ARID1B: variants seen among roughly 807,000 people sequenced by gnomAD.
The protein encoded by ARID1B is AT-rich interaction domain 1B.
A neutral mutation model predicts 212.3 loss-of-function variants in ARID1B; 30 were observed. The observed-to-expected ratio is 0.14, with a 90% confidence interval of 0.11 to 0.19. The LOEUF (loss-of-function observed/expected upper bound fraction) is 0.19, where lower values mean the gene tolerates loss of function less well. Among genes scored for constraint, ARID1B ranks in the 10% least tolerant of loss-of-function variants. The pLI is 1.00. For missense variants in ARID1B, 2,891 were observed against 3,204.0 expected (o/e 0.90, Z 2.36); for synonymous variants, 1,402 against 1,301.7 (o/e 1.08, Z -1.66).
Position 156,955,339 on chromosome 6 carries a change from A to G in ARID1B, c.2247+19763A>G, listed in dbSNP as rs758170380. ...CCATTCAACCAGGTGTGATAAACCT[A>G]GAGCTACTGTATGTTCCAGGCCATA... On this transcript the variant is annotated intron_variant, in intron 4 of 19. Coordinates refer to ENST00000636930, the MANE Select transcript of ARID1B (RefSeq NM_001374828.1). The surrounding 1 kb of genome is among the most constrained non-coding windows in gnomAD (Gnocchi z 4.2). Among the ~76,000 whole-genome samples, 8 of 152,234 alleles carry G rather than the reference A, an allele frequency of 5.3e-5. No individual in the cohort carries two copies. Among genetic ancestry groups the G allele is most frequent in the African/African-American group, 1.9e-4 (8 of 41,464 alleles).
At chr6:156,821,354 C>A (rs546041192) in intron 1 of ARID1B, among the ~76,000 whole-genome samples, 12 of 152,092 alleles carry the variant, frequency 7.9e-5, no homozygotes, top group Non-Finnish European at 1.6e-4. Context: ...CCACTCCCCC[C>A]ACAATACCTT....
rs1794648781 is a variant in ARID1B, at chr6:157,208,932, T to A, written c.*1041T>A. 4.3e-6 allele frequency: 1 copy of A among 230,220 alleles called. No individual in the cohort carries two copies. The highest frequency in any genetic ancestry group is 8.6e-6 in the Non-Finnish European group (1 of 116,400). 14.3% of individuals were successfully genotyped at this position (230,220 alleles called of 1,614,324 possible). ...CTGTATGTATAAAGTCATGCTCGAT[T>A]TCAGGAGAGCAGCTGATCACAATTT... On this transcript the variant is annotated 3_prime_UTR_variant, in exon 20 of 20. Transcript: ENST00000636930.
intron 1 of ARID1B, among the ~76,000 whole-genome samples, chr6:156,781,640 G>A (rs1779274544): frequency 6.6e-6 from 1 of 152,060 alleles, no homozygotes; most frequent in African/African-American, 2.4e-5. Context: ...AGTTATTGGA[G>A]TTTTGCTTTT....
chr6:157,130,414 G>A (rs1788469017), intron 6 of ARID1B, among the ~76,000 whole-genome samples: 1 of 152,120 alleles, frequency 6.6e-6, no homozygotes, highest in South Asian at 2.1e-4. Context: ...TTATAGTAAA[G>A]CTTAGATAAA....
At position 157,145,455 on chromosome 6, in the gene ARID1B, C is replaced by T. The variant is rs1161728368; in HGVS notation, c.2762-3169C>T. On this transcript the variant is annotated intron_variant, in intron 7 of 19. Coordinates refer to ENST00000636930, the MANE Select transcript of ARID1B (RefSeq NM_001374828.1). ...AAAAGCGTGCCTGCCCACATCTGCA[C>T]GGACAGTGGCCCGTGCGTCGCCTGT... 2.0e-5 allele frequency among the ~76,000 whole-genome samples: 3 copies of T among 152,218 alleles called. No individual in the cohort carries two copies. The East Asian group carries it at 5.8e-4, about 29-fold the overall frequency.
At position 156,904,501 on chromosome 6, in the gene ARID1B, G is replaced by T. The variant is rs528968734; in HGVS notation, c.2136+2976G>T. ...AATATCTGCAGGATGAATTCTGGAA[G>T]CCACAGTGCTGGGCAAAGGGTGTGT... On this transcript the variant is annotated intron_variant, in intron 3 of 19. Coordinates refer to ENST00000636930, the MANE Select transcript of ARID1B (RefSeq NM_001374828.1). Among the ~76,000 whole-genome samples, 7 of 152,346 alleles carry T rather than the reference G, an allele frequency of 4.6e-5. No individual in the cohort carries two copies. The South Asian group carries it at 1.4e-3, about 32-fold the overall frequency.
rs1794597211 is a variant in ARID1B, at chr6:157,208,074, A to G, written c.*183A>G. On this transcript the variant is annotated 3_prime_UTR_variant, in exon 20 of 20. Coordinates refer to ENST00000636930, the MANE Select transcript of ARID1B (RefSeq NM_001374828.1). ...TAATTTGAACAGTTATGAAATTAATATTTGCTGTCTGTGTGTATAAGTACA... is the reference window on the plus strand; with the variant it reads ...TAATTTGAACAGTTATGAAATTAATGTTTGCTGTCTGTGTGTATAAGTACA... The G allele has an allele frequency of 3.1e-6, 2 of 644,306 alleles. No individual in the cohort carries two copies. The highest frequency in any genetic ancestry group is 4.5e-6 in the Non-Finnish European group (2 of 442,650). 39.9% of individuals were successfully genotyped at this position (644,306 alleles called of 1,614,324 possible).
At position 157,206,529 on chromosome 6, in the gene ARID1B, C is replaced by A. The variant is rs1259694079; in HGVS notation, c.5757C>A (p.Asn1919Lys). Residue 1919 changes from asparagine (N) to lysine (K), a missense_variant, in exon 20 of 20, where the codon AAC becomes AAA. Physicochemically the swap from Asn to Lys is moderately conservative, Grantham distance 94 (BLOSUM62 0). This residue lies in a region of ARID1B where 332 missense variants were observed against 369.2 expected (regional missense o/e 0.90). Transcript: ENST00000636930. This position sits in a 1 kb window ranked among gnomAD's most constrained non-coding sequence, Gnocchi z 6.8. ...CAATAAAGATAGTCAAAAAGAACAA[C>A]CTGTTTGTTGTTGACCGATCTGACA... ...KLPIKIVKKN[N>K]LFVVDRSDKL... 1 of 1,614,112 alleles carries A rather than the reference C, an allele frequency of 6.2e-7. No homozygotes were observed. Among genetic ancestry groups the A allele is most frequent in the South Asian group, 1.1e-5 (1 of 91,072 alleles).
chr6:157,181,814 G>A (rs973283166), intron 12 of ARID1B, among the ~76,000 whole-genome samples: 1 of 152,176 alleles, frequency 6.6e-6, no homozygotes, highest in Non-Finnish European at 1.5e-5. Flanking sequence ...TGTAGCCCTC[G>A]CTCCTTAATC....
chr6:156,814,633 A>G (rs1443439535), intron 1 of ARID1B, among the ~76,000 whole-genome samples: 8 of 152,194 alleles, frequency 5.3e-5, no homozygotes, highest in Admixed American at 2.6e-4. Flanking sequence ...GGGAAATGCA[A>G]CCATGAGCTT....
At chr6:156,965,383 CT>C (rs1430784067) in intron 4 of ARID1B, among the ~76,000 whole-genome samples, 2 of 152,178 alleles carry the variant, frequency 1.3e-5, no homozygotes, top group African/African-American at 4.8e-5. Flanking sequence ...TGAAGCAGCT[CT>C]TTCTTGCTCA....
At chr6:156,863,606 C>A (rs979817191) in intron 2 of ARID1B, among the ~76,000 whole-genome samples, 11 of 152,088 alleles carry the variant, frequency 7.2e-5, no homozygotes, top group Middle Eastern at 3.2e-3. Flanking sequence ...ATATCAAACT[C>A]TCCTGTGAAA....
chr6:156,781,296 A>G (rs1375657789), intron 1 of ARID1B, among the ~76,000 whole-genome samples: 2 of 150,666 alleles, frequency 1.3e-5, no homozygotes, highest in African/African-American at 2.4e-5. Context: ...TTTTTTCTTC[A>G]TTGTTTTGTT....
Position 157,149,040 on chromosome 6 carries a change from G to C in ARID1B, c.3089+89G>C, listed in dbSNP as rs1790010649. On this transcript the variant is annotated intron_variant, in intron 8 of 19. Transcript: ENST00000636930. ...GCGCACATAGCTGCATTGTTCCCTG[G>C]GGTCACACAGAGCAGTAGAATGTCA... 2.3e-6 allele frequency: 3 copies of C among 1,327,824 alleles called. No homozygotes were observed. The East Asian group carries it at 7.5e-5, about 33-fold the overall frequency. 82.3% of individuals were successfully genotyped at this position (1,327,824 alleles called of 1,614,324 possible).
intron 6 of ARID1B, among the ~76,000 whole-genome samples, chr6:157,116,268 T>A (rs1203713742): frequency 6.6e-6 from 1 of 152,084 alleles, no homozygotes; most frequent in South Asian, 2.1e-4. Flanking sequence ...GTTTATTGGA[T>A]TAGCAATTAG....
At position 157,084,775 on chromosome 6, in the gene ARID1B, G is replaced by C. The variant is rs755131525; in HGVS notation, c.2361G>C (p.Gln787His). 19 of 1,614,026 alleles carry C rather than the reference G, an allele frequency of 1.2e-5. No homozygotes were observed. Among genetic ancestry groups the C allele is most frequent in the Non-Finnish European group, 1.6e-5 (19 of 1,180,016 alleles). The change falls in exon 5 of 20, where the codon CAG (glutamine) becomes CAC (histidine). Residue 787 changes from glutamine to histidine, a missense_variant. This residue lies in a region of ARID1B where 1,643 missense variants were observed against 1,544.0 expected (regional missense o/e 1.06). Transcript: ENST00000636930. Reference protein sequence around the residue: ...SSQGDQSNPAQSPFSPHASPH... With the variant: ...SSQGDQSNPAHSPFSPHASPH... ...AAGGGGATCAGAGCAACCCGGCGCA[G>C]TCGCCTTTCTCCCCACATGCGTCCC...
chr6:157,039,341 T>TTTTTTTTTTTTTTA (rs1440507613), intron 4 of ARID1B, among the ~76,000 whole-genome samples: 1 of 138,138 alleles, frequency 7.2e-6, no homozygotes, highest in Non-Finnish European at 1.6e-5. Context: ...TTTTTTTTTT[T>TTTTTTTTTTTTTTA]GAGACGGAGT....
chr6:157,041,429 GC>G (rs139542190), intron 4 of ARID1B, among the ~76,000 whole-genome samples: 5,018 of 152,126 alleles, frequency 0.033, 276 homozygotes, highest in African/African-American at 0.11. Context: ...TATGTAATTA[GC>G]CCTGGGTCAT....
chr6:157,003,036 G>A (rs538289271), intron 4 of ARID1B, among the ~76,000 whole-genome samples: 2 of 152,300 alleles, frequency 1.3e-5, no homozygotes, highest in East Asian at 3.9e-4. Flanking sequence ...GGAAAGAAGT[G>A]TAGGAAGTGG....
Sources: gnomAD v4.1 joint callset for allele counts (sites outside exome capture counted in the v4.1 genomes callset) on GRCh38, gnomAD v4.1.1 for gene constraint, gnomAD v4.1.1 regional missense constraint, Gnocchi (gnomAD v3.1) non-coding constraint, MANE v1.5 for transcripts, NCBI Gene and HGNC (gene_info 2026-07-23, HGNC 2026-07-21) for gene names.